The following LRP1B variants were observed in gnomAD, a reference collection of about 807,000 sequenced individuals.
LRP1B encodes the protein low-density lipoprotein receptor-related protein 1B.
LRP1B carries 217 observed loss-of-function variants against 556.6 expected under a neutral mutation model. That is an observed-to-expected ratio of 0.39 (90% CI 0.35 to 0.44). The LOEUF is 0.44. LRP1B is among the 20% of genes least tolerant of loss of function. The pLI is 1.00. For missense variants in LRP1B, 5,053 were observed against 5,620.8 expected, an observed-to-expected ratio of 0.90 and a Z score of 3.23; for synonymous variants, 2,047 against 1,865.8, an observed-to-expected ratio of 1.10 and a Z score of -2.50.
At chr2:140,768,890 A>G (rs1458094807) in intron 35 of LRP1B, among the ~76,000 whole-genome samples, 1 of 151,924 alleles carries the variant, frequency 6.6e-6, no homozygotes, top group Non-Finnish European at 1.5e-5. Context: ...AATGCTTTGT[A>G]TGTCCTTATA....
intron 6 of LRP1B, among the ~76,000 whole-genome samples, chr2:141,215,635 T>G (rs1301790085): frequency 3.9e-5 from 6 of 152,196 alleles, no homozygotes; most frequent in Non-Finnish European, 8.8e-5. Context: ...TATTGGGAAC[T>G]GGAGCAAAGT....
chr2:140,425,496 C>G (rs1048969280), intron 66 of LRP1B, among the ~76,000 whole-genome samples: 4 of 152,050 alleles, frequency 2.6e-5, no homozygotes, highest in African/African-American at 9.7e-5. Context: ...CTGCAACTTC[C>G]ACCTCCTGGG....
rs1558894905 is a variant in LRP1B, at chr2:140,456,448, C to T, written c.9963+7G>A. 3 of 1,611,546 alleles carry T rather than the reference C, an allele frequency of 1.9e-6. No homozygotes were observed. Among genetic ancestry groups the T allele is most frequent in the African/African-American group, 2.7e-5 (2 of 74,968 alleles). ...CTCTATAATAAGATTCCCAGACCTC[C>T]ACTCACCTGGCTGGCTGTGCAGTTG... On this transcript the variant is annotated splice_region_variant and intron_variant, in intron 62 of 90. Transcript: ENST00000389484.
intron 18 of LRP1B, among the ~76,000 whole-genome samples, chr2:140,952,840 G>A (rs1042605174): frequency 2.6e-5 from 4 of 152,114 alleles, no homozygotes; most frequent in Non-Finnish European, 5.9e-5. Flanking sequence ...TATGTCCCAG[G>A]AGAAAGTTTT....
At chr2:140,868,068 A>C (rs752257766) in intron 26 of LRP1B, 31 bp downstream of exon 26, 14 of 1,567,046 alleles carry the variant, frequency 8.9e-6, no homozygotes, top group African/African-American at 1.4e-5. Flanking sequence ...AAGTAAAAAA[A>C]AAAATACAGA....
At chr2:140,854,129 A>T (rs1018674027) in intron 27 of LRP1B, among the ~76,000 whole-genome samples, 6 of 151,924 alleles carry the variant, frequency 3.9e-5, no homozygotes, top group African/African-American at 1.4e-4. Flanking sequence ...GAAGACAAGA[A>T]GGAAAAAAAA....
At chr2:141,694,729 G>C (rs1691673196) in intron 2 of LRP1B, among the ~76,000 whole-genome samples, 1 of 151,460 alleles carries the variant, frequency 6.6e-6, no homozygotes, top group Admixed American at 6.6e-5. Context: ...TGAACATAAA[G>C]ATATAATTCT....
chr2:140,270,073 A>C (rs1035284822), intron 86 of LRP1B, among the ~76,000 whole-genome samples, 169 bp downstream of exon 86: 2 of 151,934 alleles, frequency 1.3e-5, no homozygotes, highest in Non-Finnish European at 2.9e-5. Flanking sequence ...TAGCAATTTG[A>C]TGAAAGGAGA....
rs1434358444 is a variant in LRP1B, at chr2:141,272,027, GA to G, written c.344-17387del. 2.0e-5 allele frequency among the ~76,000 whole-genome samples: 3 copies of G among 151,940 alleles called. No individual in the cohort carries two copies. The East Asian group carries it at 5.8e-4, about 29-fold the overall frequency. ...TCCACAGAAACAATGAAGAGAATCA[GA>G]ACTGCTAAAAAGAAGGTTAATACAA... On this transcript the variant is annotated intron_variant, in intron 3 of 90. Coordinates refer to ENST00000389484, the MANE Select transcript of LRP1B (RefSeq NM_018557.3).
intron 66 of LRP1B, among the ~76,000 whole-genome samples, chr2:140,403,108 G>A (rs935550705): frequency 4.6e-5 from 7 of 151,828 alleles, no homozygotes; most frequent in East Asian, 1.9e-4. Context: ...ATATACTTAC[G>A]GGGAGAAAAG....
At chr2:141,538,000 G>A (rs1013506350) in intron 2 of LRP1B, among the ~76,000 whole-genome samples, 1 of 152,120 alleles carries the variant, frequency 6.6e-6, no homozygotes, top group African/African-American at 2.4e-5. Context: ...ATTGTATCCT[G>A]GGTCCTGAAA....
Position 140,784,422 on chromosome 2 carries a change from A to AC in LRP1B, c.5360-8185_5360-8184insG, listed in dbSNP as rs1559117335. ...CACACACACACACACACACACACAC[A>AC]AAAGGCTCAGTGCAGCTATTTTTAA... is the stretch of plus-strand genomic sequence containing the variant. On this transcript the variant is annotated intron_variant, in intron 32 of 90. Coordinates refer to ENST00000389484, the MANE Select transcript of LRP1B (RefSeq NM_018557.3). Among the ~76,000 whole-genome samples the AC allele has an allele frequency of 2.1e-4, 32 of 149,196 alleles. 1 individual carries two copies. The highest frequency in any genetic ancestry group is 3.4e-3 in the Middle Eastern group (1 of 290).
chr2:141,073,549 A>G (rs1356164335), intron 7 of LRP1B, among the ~76,000 whole-genome samples: 6 of 152,072 alleles, frequency 3.9e-5, no homozygotes, highest in Admixed American at 3.3e-4. Flanking sequence ...ATGTTACAAT[A>G]ACTCACTAAT....
intron 48 of LRP1B, 46 bp downstream of exon 48, chr2:140,526,191 A>C: frequency 6.4e-7 from 1 of 1,566,862 alleles, no homozygotes; most frequent in African/African-American, 1.4e-5. Flanking sequence ...ATGCAATGCC[A>C]AAAGTGCCCA....
At chr2:140,518,217 T>C (rs533660849) in intron 49 of LRP1B, among the ~76,000 whole-genome samples, 1 of 152,240 alleles carries the variant, frequency 6.6e-6, no homozygotes, top group African/African-American at 2.4e-5. Context: ...TAATTAAAGA[T>C]GAAAATATAT....
intron 31 of LRP1B, among the ~76,000 whole-genome samples, chr2:140,814,779 C>T (rs1691051218): frequency 6.6e-6 from 1 of 152,074 alleles, no homozygotes; most frequent in Non-Finnish European, 1.5e-5. Context: ...TGAATCAAGC[C>T]AATGACTTAA....
intron 3 of LRP1B, among the ~76,000 whole-genome samples, chr2:141,261,752 A>G (rs576088117): frequency 2.4e-4 from 37 of 152,286 alleles, no homozygotes; most frequent in Admixed American, 3.3e-4. Flanking sequence ...GTAATAATCC[A>G]TGGTATAAAC....
Position 140,601,552 on chromosome 2 carries a change from T to C in LRP1B, c.6887A>G (p.His2296Arg). 6.2e-7 allele frequency: 1 copy of C among 1,613,212 alleles called. No individual in the cohort carries two copies. Among genetic ancestry groups the C allele is most frequent in the Non-Finnish European group, 8.5e-7 (1 of 1,179,482 alleles). ...TCCAGGCCGAGTCTGGTCCACAGTG[T>C]GTCTGGTGATGGATGAGGTGGTAGA... ...TSSTTSSITR[H>R]TVDQTRPGAF... The change falls in exon 42 of 91, where the codon CAC becomes CGC. Residue 2296 changes from histidine to arginine, a missense_variant. Transcript: ENST00000389484.
intron 1 of LRP1B, among the ~76,000 whole-genome samples, chr2:142,048,705 AAC>A (rs1158921018): frequency 6.6e-6 from 1 of 152,044 alleles, no homozygotes; most frequent in Non-Finnish European, 1.5e-5. Context: ...AGTCTTTTAT[AAC>A]ATTCTTCATT....
Sources: allele counts gnomAD v4.1 joint callset (sites outside exome capture counted in the v4.1 genomes callset), GRCh38; gene constraint gnomAD v4.1.1; transcripts MANE v1.5; gene names NCBI Gene and HGNC (gene_info 2026-07-23, HGNC 2026-07-21).